The following SOD2 variants were observed in gnomAD, a reference collection of about 807,000 sequenced individuals.
SOD2 encodes the protein superoxide dismutase 2.
SOD2 carries 11 observed loss-of-function variants against 27.0 expected under a neutral mutation model. That is an observed-to-expected ratio of 0.41 (90% CI 0.26 to 0.67). SOD2 has a LOEUF of 0.67. Among genes scored for constraint, SOD2 ranks in the 30% least tolerant of loss-of-function variants. The probability of loss-of-function intolerance (pLI) is 0.34; values close to 1 mark genes in which losing one functional copy is unlikely to be tolerated. For synonymous variants in SOD2, 105 were observed against 103.0 expected (o/e 1.02, Z -0.12); for missense variants, 250 against 274.5 (o/e 0.91, Z 0.63).
intron 2 of SOD2, chr6:159,691,343 A>T (rs1777180367): frequency 6.6e-6 from 1 of 152,132 alleles, no homozygotes; most frequent in South Asian, 2.1e-4. Flanking sequence ...GTCTCAAGTA[A>T]ATCTTCCAGA....
rs1779150889 is a variant in SOD2, at chr6:159,739,967, ACTT to A, written c.-116+5160_-116+5162del. 2.6e-5 allele frequency among the ~76,000 whole-genome samples: 4 copies of A among 151,484 alleles called. No homozygotes were observed. The South Asian group carries it at 8.3e-4, about 32-fold the overall frequency. On this transcript the variant is annotated intron_variant, in intron 1 of 3. Transcript: ENST00000537657. ...ACTTCTGTCTTATGCTGAAGTATAT[ACTT>A]AAGATACACTACTACTCAATGCTGG...
In SOD2 at chr6:159,675,403, T is replaced by C. The variant is rs1310677845; in HGVS notation, c.*7090A>G. On this transcript the variant is annotated 3_prime_UTR_variant, in exon 5 of 5. Transcript: ENST00000538183. ...TGGTACTAGTACCAAAACAGAGATA[T>C]AGACCAATGGAACAGAACAGAGCCC... 1 of 152,126 alleles carries C rather than the reference T, an allele frequency of 6.6e-6. No individual in the cohort carries two copies. Among genetic ancestry groups the C allele is most frequent in the Non-Finnish European group, 1.5e-5 (1 of 68,038 alleles). The allele number at this position is 152,126 out of a possible 1,614,324, so 9.4% of individuals were successfully genotyped here.
chr6:159,707,433 A>G (rs892471604), intron 1 of SOD2, among the ~76,000 whole-genome samples: 2 of 152,162 alleles, frequency 1.3e-5, no homozygotes, highest in South Asian at 2.1e-4. Context: ...GTTAAAGGAG[A>G]TATCACCACC....
At chr6:159,761,726 T>C (rs1780131172) in exon 1 of SOD2, 1 of 362,208 alleles carries the variant, frequency 2.8e-6, no homozygotes, top group Non-Finnish European at 5.5e-6. Context: ...AGACGTCAAG[T>C]CGGGGAACTC....
chr6:159,726,183 G>C (rs982916392), intron 1 of SOD2: 1 of 152,462 alleles, frequency 6.6e-6, no homozygotes, highest in Admixed American at 6.5e-5. Context: ...CACCAGGAAA[G>C]GTAATTTCAA....
chr6:159,726,711 G>T (rs1778184890), intron 1 of SOD2: 1 of 1,235,972 alleles, frequency 8.1e-7, no homozygotes. Flanking sequence ...CGCGGACACA[G>T]CGCAACCTCC....
chr6:159,682,935 G>A (rs1173368166), intron 4 of SOD2, among the ~76,000 whole-genome samples: 1 of 152,112 alleles, frequency 6.6e-6, no homozygotes, highest in East Asian at 1.9e-4. Flanking sequence ...TAATTCAAGA[G>A]CCAATTCCCA....
chr6:159,728,976 T>G (rs1778398256), upstream of SOD2, among the ~76,000 whole-genome samples: 1 of 152,236 alleles, frequency 6.6e-6, no homozygotes, highest in Non-Finnish European at 1.5e-5. Flanking sequence ...TATTTTTACA[T>G]GGCTCTTTTA....
chr6:159,749,436 T>G (rs1779743164), upstream of SOD2: 1 of 985,166 alleles, frequency 1.0e-6, no homozygotes, highest in South Asian at 4.7e-5. Flanking sequence ...GTTTTTTTTT[T>G]TTTTTAAGTT....
chr6:159,743,860 T>A, intron 1 of SOD2: 1 of 1,457,386 alleles, frequency 6.9e-7, no homozygotes, highest in Non-Finnish European at 9.1e-7. Flanking sequence ...TTATTACATG[T>A]TAATTTTAAA....
intron 1 of SOD2, among the ~76,000 whole-genome samples, chr6:159,744,930 T>G (rs936253685): frequency 6.6e-6 from 1 of 152,194 alleles, no homozygotes; most frequent in African/African-American, 2.4e-5. Context: ...TCCTTACTCC[T>G]TGGCCTCCCA....
intron 1 of SOD2, among the ~76,000 whole-genome samples, chr6:159,744,512 T>A (rs1326808733): frequency 4.9e-5 from 6 of 123,198 alleles, no homozygotes; most frequent in African/African-American, 1.8e-4. Flanking sequence ...ACACCAAAAA[T>A]CTATGGGCAC....
At chr6:159,756,260 C>G (rs1411931723) in intron 1 of SOD2, 2 of 152,654 alleles carry the variant, frequency 1.3e-5, no homozygotes, top group African/African-American at 4.8e-5. Context: ...CTCTGTGACT[C>G]CAGTATATCT....
chr6:159,712,603 C>T (rs1227693745), intron 1 of SOD2, among the ~76,000 whole-genome samples: 1 of 149,390 alleles, frequency 6.7e-6, no homozygotes. Flanking sequence ...TCCACAACGA[C>T]CACTCAGCTG....
intron 1 of SOD2, chr6:159,736,357 C>A: frequency 6.9e-6 from 9 of 1,304,510 alleles, no homozygotes; most frequent in African/African-American, 1.5e-5. Flanking sequence ...CTTTTTTAAG[C>A]ACTTTAAAAA....
intron 3 of SOD2, among the ~76,000 whole-genome samples, chr6:159,687,416 C>T (rs1464632544): frequency 2.0e-5 from 3 of 151,782 alleles, no homozygotes; most frequent in African/African-American, 7.3e-5. Flanking sequence ...ACCTGAAAGG[C>T]GGAGGTTGCA....
exon 1 of SOD2, chr6:159,727,192 G>A (rs1562446483): frequency 8.1e-7 from 1 of 1,231,526 alleles, no homozygotes; most frequent in Non-Finnish European, 1.0e-6. Flanking sequence ...GACGGGGAGT[G>A]TTACCGGGGA....
At chr6:159,687,879 C>G (rs570195736) in intron 3 of SOD2, among the ~76,000 whole-genome samples, 24 of 152,090 alleles carry the variant, frequency 1.6e-4, no homozygotes, top group African/African-American at 5.5e-4. Context: ...GGCGTGGTGG[C>G]GGGCGCCTGT....
At chr6:159,736,419 C>T in intron 1 of SOD2, 1 of 778,664 alleles carries the variant, frequency 1.3e-6, no homozygotes, top group Non-Finnish European at 2.2e-6. Context: ...ATTTCTTTGC[C>T]TTTATAACAA....
Sources: allele counts gnomAD v4.1 joint callset (sites outside exome capture counted in the v4.1 genomes callset), GRCh38; gene constraint gnomAD v4.1.1; transcripts MANE v1.5; gene names NCBI Gene and HGNC (gene_info 2026-07-23, HGNC 2026-07-21).